The following CYP4F12 variants were observed in gnomAD, a reference collection of about 807,000 sequenced individuals.
CYP4F12 encodes cytochrome P450 family 4 subfamily F member 12.
Under a neutral mutation model 56.5 loss-of-function variants are expected in CYP4F12, and 60 were observed. The observed-to-expected ratio is 1.06, with a 90% confidence interval of 0.86 to 1.32. CYP4F12 has a LOEUF of 1.32. Ranked by LOEUF, CYP4F12 falls within the 40% of genes most tolerant of loss-of-function variation. CYP4F12 has a pLI of 0.00. For missense variants in CYP4F12, 711 were observed against 683.5 expected, an observed-to-expected ratio of 1.04 and a Z score of -0.45; for synonymous variants, 263 against 264.9, an observed-to-expected ratio of 0.99 and a Z score of 0.07.
intron 9 of CYP4F12, among the ~76,000 whole-genome samples, chr19:15,690,265 T>C (rs796396660): frequency 1.3e-5 from 2 of 152,234 alleles, no homozygotes; most frequent in African/African-American, 4.8e-5. Context: ...TTATGATATA[T>C]GTATACAACG....
chr19:15,697,062 C>A lies in CYP4F12; in HGVS notation c.1552C>A (p.Pro518Thr). ...GGGCGGGCTTTGGCTGCGGGTGGAG[C>A]CCCTGAATGTAAGCTTGCAGTGACT... ...AEGGLWLRVE[P>T]LNVSLQ The change falls in exon 13 of 13, where the codon CCC becomes ACC. Residue 518 changes from proline (P) to threonine (T), a missense_variant. By Grantham distance (38) the Pro-to-Thr change is conservative (BLOSUM62 -1). Coordinates refer to ENST00000550308, the MANE Select transcript of CYP4F12 (RefSeq NM_023944.4). 6.2e-7 allele frequency: 1 copy of A among 1,613,832 alleles called. No individual in the cohort carries two copies. The highest frequency in any genetic ancestry group is 8.5e-7 in the Non-Finnish European group (1 of 1,179,754).
At chr19:15,696,677 C>T (rs1462032738) in intron 12 of CYP4F12, among the ~76,000 whole-genome samples, 165 bp downstream of exon 12, 2 of 152,246 alleles carry the variant, frequency 1.3e-5, no homozygotes, top group Non-Finnish European at 2.9e-5. Flanking sequence ...TAGAGGGGTC[C>T]GCGGAGTGCT....
chr19:15,695,374 G>C (rs892489114), intron 9 of CYP4F12, among the ~76,000 whole-genome samples: 8 of 137,854 alleles, frequency 5.8e-5, no homozygotes, highest in Admixed American at 4.4e-4. Context: ...GAGGGGGAAG[G>C]GATAGCATTA....
intron 9 of CYP4F12, among the ~76,000 whole-genome samples, chr19:15,691,714 T>G (rs1245847753): frequency 6.7e-6 from 1 of 149,682 alleles, no homozygotes; most frequent in Non-Finnish European, 1.5e-5. Context: ...TCTGTTTTTT[T>G]GTTGCAAAAG....
chr19:15,682,514 A>G lies in CYP4F12; in HGVS notation c.647+4A>G. On this transcript the variant is annotated splice_donor_region_variant and intron_variant, in intron 6 of 12. Transcript: ENST00000550308. Reference sequence around the variant, plus strand: ...GCTTTGACAGCCATTGTCAGGAGTGAGTTCCTTCCTAGGGCCTGGGATATG... The same window carrying G: ...GCTTTGACAGCCATTGTCAGGAGTGGGTTCCTTCCTAGGGCCTGGGATATG... 2 of 1,613,030 alleles carry G rather than the reference A, an allele frequency of 1.2e-6. No homozygotes were observed. The highest frequency in any genetic ancestry group is 1.3e-5 in the African/African-American group (1 of 75,024).
At chr19:15,685,573 C>A (rs988612193) in intron 9 of CYP4F12, among the ~76,000 whole-genome samples, 1 of 152,126 alleles carries the variant, frequency 6.6e-6, no homozygotes, top group Non-Finnish European at 1.5e-5. Context: ...TTTGTCAATT[C>A]TTCCATTATT....
chr19:15,695,850 A>G, intron 9 of CYP4F12, 86 bp from the exon 10 acceptor site: 3 of 1,514,156 alleles, frequency 2.0e-6, no homozygotes, highest in Non-Finnish European at 1.8e-6. Context: ...TGTGATAGGG[A>G]GAAAAGGTCT....
intron 7 of CYP4F12, chr19:15,684,108 C>T (rs563660140): frequency 5.9e-6 from 1 of 169,068 alleles, no homozygotes; most frequent in South Asian, 1.8e-4. Flanking sequence ...TAATTATTTA[C>T]AGCAGTAACA....
At chr19:15,684,599 G>T (rs143102354) in intron 7 of CYP4F12, 8 of 483,196 alleles carry the variant, frequency 1.7e-5, no homozygotes, top group African/African-American at 1.6e-4. Flanking sequence ...AGGGTCCAAA[G>T]AGGAGGCAAA....
Position 15,696,912 on chromosome 19 carries a change from T to G in CYP4F12, c.1402T>G (p.Cys468Gly). The stretch of plus-strand genomic sequence containing the variant: ...AGTCCCCACTCCCGCCTGCAGGAAC[T>G]GCATCGGGCAGGCGTTCGCCATGGC... The part of the protein sequence containing the change: ...FIPFSAGPRN[C>G]IGQAFAMAEM... The change falls in exon 13 of 13, where the codon TGC (cysteine) becomes GGC (glycine). Residue 468 changes from cysteine to glycine, a missense_variant. By Grantham distance (159) the Cys-to-Gly change is radical. Transcript: ENST00000550308. 2 of 1,611,918 alleles carry G rather than the reference T, an allele frequency of 1.2e-6. No individual in the cohort carries two copies. The highest frequency in any genetic ancestry group is 8.5e-7 in the Non-Finnish European group (1 of 1,178,834).
At chr19:15,676,801 A>C (rs1390163684) in intron 2 of CYP4F12, among the ~76,000 whole-genome samples, 6 of 8,234 alleles carry the variant, frequency 7.3e-4, no homozygotes, top group Non-Finnish European at 9.9e-4. Context: ...TCATTCCTTT[A>C]CCCACTCACT....
intron 5 of CYP4F12, chr19:15,680,925 G>C (rs1347572246): frequency 9.5e-6 from 3 of 314,630 alleles, no homozygotes; most frequent in African/African-American, 6.6e-5. Flanking sequence ...CACATGAGCA[G>C]CTGTGGGTCG....
At chr19:15,684,669 A>T in intron 7 of CYP4F12, 147 bp from the exon 8 acceptor site, 1 of 754,136 alleles carries the variant, frequency 1.3e-6, no homozygotes. Flanking sequence ...AGAGATCTAG[A>T]CGTGCAGAGT....
At position 15,674,786 on chromosome 19, in the gene CYP4F12, CCCA is replaced by C. The variant is rs1193373139; in HGVS notation, c.198+1062_198+1064del. On this transcript the variant is annotated intron_variant, in intron 2 of 12. Transcript: ENST00000550308. ...CAAACCTTTCTCACCTCCCTGTCCT[CCCA>C]CCTCAGCCTGCTTGGATCCTTTTCC... 2.9e-5 allele frequency among the ~76,000 whole-genome samples: 4 copies of C among 138,950 alleles called. No homozygotes were observed. In the East Asian group the frequency reaches 9.1e-4, roughly 31 times the overall value. The allele number at this position is 138,950 out of a possible 152,430, so 91.2% of individuals were successfully genotyped here.
At chr19:15,675,963 A>G (rs1455749984) in intron 2 of CYP4F12, among the ~76,000 whole-genome samples, 1 of 152,214 alleles carries the variant, frequency 6.6e-6, no homozygotes, top group East Asian at 1.9e-4. Flanking sequence ...ATGGAGGCCA[A>G]GAAGTCCCAT....
In CYP4F12 at chr19:15,696,450, T is replaced by G. The variant is rs752072459; in HGVS notation, c.1335T>G (p.Phe445Leu). ...PDPEVYDPFRFDPENSKGRSP... is the reference protein window; with the variant it reads ...PDPEVYDPFRLDPENSKGRSP... Reference sequence around the variant, plus strand: ...TGCAGGTCTACGACCCCTTCCGCTTTGACCCAGAGAACAGCAAGGGGAGGT... The same window carrying G: ...TGCAGGTCTACGACCCCTTCCGCTTGGACCCAGAGAACAGCAAGGGGAGGT... The change falls in exon 12 of 13, where the codon TTT (phenylalanine) becomes TTG (leucine). Residue 445 changes from phenylalanine (F) to leucine (L), a missense_variant. Phe to Leu is a conservative substitution (Grantham distance 22). Coordinates refer to ENST00000550308, the MANE Select transcript of CYP4F12 (RefSeq NM_023944.4). 15 of 1,614,050 alleles carry G rather than the reference T, an allele frequency of 9.3e-6. No homozygotes were observed. The South Asian group carries it at 1.6e-4, about 18-fold the overall frequency.
At chr19:15,678,782 A>T (rs1449469457) in intron 3 of CYP4F12, among the ~76,000 whole-genome samples, 1 of 152,068 alleles carries the variant, frequency 6.6e-6, no homozygotes, top group Non-Finnish European at 1.5e-5. Context: ...CTAGACCAAT[A>T]AGTAGGATTT....
rs905273765 is a variant in CYP4F12, at chr19:15,673,154, C to T, written c.-2+19C>T. 9 of 462,262 alleles carry T rather than the reference C, an allele frequency of 1.9e-5. No individual in the cohort carries two copies. Among genetic ancestry groups the T allele is most frequent in the Non-Finnish European group, 3.8e-5 (9 of 234,412 alleles). The allele number at this position is 462,262 out of a possible 1,614,324, so 28.6% of individuals were successfully genotyped here. A position where few individuals can be genotyped will look rare whatever the true frequency, so the allele number is the denominator to read the frequency against. ...ACAGAAGGTACCAGGCTGGGGGTGG[C>T]AGGGCTGGAAGGTCCTGGCCTGGGA... On this transcript the variant is annotated intron_variant, in intron 1 of 12. Coordinates refer to ENST00000550308, the MANE Select transcript of CYP4F12 (RefSeq NM_023944.4).
rs1268642163 is a variant in CYP4F12 at position 15,685,215 on chromosome 19, T to C, written c.1115+18T>C. 1.2e-6 allele frequency: 2 copies of C among 1,612,244 alleles called. No individual in the cohort carries two copies. The highest frequency in any genetic ancestry group is 1.7e-6 in the Non-Finnish European group (2 of 1,178,652). ...ATTGAATGGTGAGTGCAAGTTCTTCTGGCCTGTTCCTGAGCCCATCATTGG... is the reference window on the plus strand; with the variant it reads ...ATTGAATGGTGAGTGCAAGTTCTTCCGGCCTGTTCCTGAGCCCATCATTGG... On this transcript the variant is annotated intron_variant, in intron 9 of 12. Coordinates refer to ENST00000550308, the MANE Select transcript of CYP4F12 (RefSeq NM_023944.4).
Sources: allele counts gnomAD v4.1 joint callset (sites outside exome capture counted in the v4.1 genomes callset), GRCh38; gene constraint gnomAD v4.1.1; transcripts MANE v1.5; gene names NCBI Gene and HGNC (gene_info 2026-07-23, HGNC 2026-07-21).